The following TDRD7 variants were observed in gnomAD, a reference collection of about 807,000 sequenced individuals.
TDRD7 encodes the protein tudor domain-containing protein 7.
In TDRD7, 47 loss-of-function variants were observed where a neutral mutation model predicts 109.8. The observed-to-expected ratio is 0.43, with a 90% CI of 0.34 to 0.55. The LOEUF (loss-of-function observed/expected upper bound fraction) is 0.55, where lower values mean the gene tolerates loss of function less well. TDRD7 is among the 20% of genes least tolerant of loss of function. TDRD7 has a pLI of 0.03. For missense variants in TDRD7, 1,164 were observed against 1,319.2 expected, an observed-to-expected ratio of 0.88 and a Z score of 1.82; for synonymous variants, 424 against 457.3, an observed-to-expected ratio of 0.93 and a Z score of 0.93.
chr9:97,433,501 A>G (rs1352515635), intron 4 of TDRD7, among the ~76,000 whole-genome samples: 3 of 152,080 alleles, frequency 2.0e-5, no homozygotes, highest in Non-Finnish European at 4.4e-5. Context: ...GGGCAACAAA[A>G]GCAAAAATAG....
chr9:97,441,758 C>G lies in TDRD7; in HGVS notation c.738C>G (p.Asn246Lys), dbSNP rs1828310050. Residue 246 changes from asparagine (N) to lysine (K), a missense_variant, in exon 6 of 17, where the codon AAC (asparagine) becomes AAG (lysine). Asn to Lys is a moderately conservative substitution (Grantham distance 94). Transcript: ENST00000355295. ...EVQNRIKEIL[N>K]KHNNGIWISK... ...AAAATCGCATAAAGGAAATACTAAA[C>G]AAGCATAACAATGGCATTTGGATAT... is the stretch of plus-strand genomic sequence containing the variant. 3 of 1,613,716 alleles carry G rather than the reference C, an allele frequency of 1.9e-6. No individual in the cohort carries two copies. The highest frequency in any genetic ancestry group is 1.7e-5 in the Admixed American group (1 of 59,992).
intron 1 of TDRD7, among the ~76,000 whole-genome samples, chr9:97,414,285 TGAA>T (rs1827776035): frequency 6.6e-6 from 1 of 152,270 alleles, no homozygotes; most frequent in Non-Finnish European, 1.5e-5. Flanking sequence ...AATTTTTAGT[TGAA>T]GACATGTATA....
At chr9:97,440,343 A>G (rs1244214132) in intron 5 of TDRD7, among the ~76,000 whole-genome samples, 1 of 152,222 alleles carries the variant, frequency 6.6e-6, no homozygotes, top group Non-Finnish European at 1.5e-5. Flanking sequence ...CAAAAGGTGC[A>G]GGGACTTAGA....
chr9:97,475,871 G>T (rs1367292424), intron 12 of TDRD7, among the ~76,000 whole-genome samples: 1 of 152,128 alleles, frequency 6.6e-6, no homozygotes, highest in East Asian at 1.9e-4. Context: ...AGTTGTAAGA[G>T]GTATTGGTCA....
chr9:97,464,749 G>A lies in TDRD7; in HGVS notation c.1443-93G>A, dbSNP rs1011726684. The A allele has an allele frequency of 3.7e-6, 5 of 1,357,280 alleles. No homozygotes were observed. The Admixed American group carries it at 5.1e-5, about 14-fold the overall frequency. 84.1% of individuals were successfully genotyped at this position (1,357,280 alleles called of 1,614,324 possible). The stretch of plus-strand genomic sequence containing the variant: ...AAGTCTGAGACTGGAACCAAAGATG[G>A]CAGCAGGGAAAAAAGAAGGACAAAA... On this transcript the variant is annotated intron_variant, in intron 7 of 16. Coordinates refer to ENST00000355295, the MANE Select transcript of TDRD7 (RefSeq NM_014290.3).
intron 13 of TDRD7, among the ~76,000 whole-genome samples, chr9:97,479,641 A>T (rs2131173404): frequency 6.6e-6 from 1 of 152,340 alleles, no homozygotes; most frequent in Non-Finnish European, 1.5e-5. Context: ...AGCCAGCCCA[A>T]GCCTCTGGCT....
At position 97,483,035 on chromosome 9, in the gene TDRD7, A is replaced by C; in HGVS notation, c.2599A>C (p.Met867Leu). ...CTCTCCCAACAGCAAAAATGGCAACATGCCCATGTCGGGCAACACTGGAGA... is the reference window on the plus strand; with the variant it reads ...CTCTCCCAACAGCAAAAATGGCAACCTGCCCATGTCGGGCAACACTGGAGA... ...ADSPNSKNGNMPMSGNTGENF... is the reference protein window; with the variant it reads ...ADSPNSKNGNLPMSGNTGENF... Residue 867 changes from methionine (M) to leucine (L), a missense_variant, in exon 15 of 17, where the codon ATG becomes CTG. This residue lies in a region of TDRD7 where 233 missense variants were observed against 218.0 expected (regional missense o/e 1.07). Coordinates refer to ENST00000355295, the MANE Select transcript of TDRD7 (RefSeq NM_014290.3). The C allele has an allele frequency of 6.2e-7, 1 of 1,614,192 alleles. No homozygotes were observed.
At chr9:97,478,763 C>T (rs181506111) in intron 13 of TDRD7, 190 bp downstream of exon 13, 32 of 709,548 alleles carry the variant, frequency 4.5e-5, no homozygotes, top group African/African-American at 3.9e-4. Flanking sequence ...GTCATATTTA[C>T]ATACTGTTGT....
At chr9:97,462,326 A>G (rs1828739883) in intron 7 of TDRD7, among the ~76,000 whole-genome samples, 1 of 152,188 alleles carries the variant, frequency 6.6e-6, no homozygotes, top group African/African-American at 2.4e-5. Context: ...AGATTATTTA[A>G]ATACCTTATC....
intron 1 of TDRD7, among the ~76,000 whole-genome samples, chr9:97,423,408 T>C (rs1291765246): frequency 6.6e-6 from 1 of 152,032 alleles, no homozygotes; most frequent in African/African-American, 2.4e-5. Flanking sequence ...CTTTTTTTTT[T>C]TTCTATGTTT....
At chr9:97,435,127 G>A (rs1446119795) in intron 4 of TDRD7, among the ~76,000 whole-genome samples, 1 of 151,806 alleles carries the variant, frequency 6.6e-6, no homozygotes, top group Non-Finnish European at 1.5e-5. Context: ...CTGTACGTGT[G>A]GTAAATTGCA....
intron 4 of TDRD7, among the ~76,000 whole-genome samples, chr9:97,434,632 G>A (rs1587864366): frequency 1.3e-5 from 2 of 152,034 alleles, no homozygotes; most frequent in South Asian, 4.1e-4. Context: ...TCAACTAAAA[G>A]CATGCAACTA....
rs1394769163 is a variant in TDRD7, at chr9:97,483,261, TG to T, written c.2827del (p.Glu943LysfsTer3). On this transcript the variant is annotated frameshift_variant, in exon 15 of 17. Coordinates refer to ENST00000355295, the MANE Select transcript of TDRD7 (RefSeq NM_014290.3). LOFTEE classifies it high-confidence loss of function. ...WQEIHKLEVLMEEMILYYSVS... is the reference protein window; with the variant it reads ...WQEIHKLEVLXEEMILYYSVS... ...GAGATACATAAGTTGGAAGTTCTGA[TG>T]GAAGAGATGATTCTATATTACAGCG... is the stretch of plus-strand genomic sequence containing the variant. 1 of 1,613,776 alleles carries T rather than the reference TG, an allele frequency of 6.2e-7. No homozygotes were observed. Among genetic ancestry groups the T allele is most frequent in the Admixed American group, 1.7e-5 (1 of 59,948 alleles).
In TDRD7 at chr9:97,455,519, C is replaced by T. The variant is rs142550241; in HGVS notation, c.856-4659C>T. On this transcript the variant is annotated intron_variant, in intron 6 of 16. Coordinates refer to ENST00000355295, the MANE Select transcript of TDRD7 (RefSeq NM_014290.3). ...TCCCTGGGATGCAAGCCTGGTTCAA[C>T]ATATGTAAATCAGTAAATGTAATCC... Among the ~76,000 whole-genome samples the T allele has an allele frequency of 8.1e-3, 1,226 of 152,298 alleles. 14 individuals carry two copies. Among genetic ancestry groups the T allele is most frequent in the African/African-American group, 0.027 (1,129 of 41,560 alleles).
At chr9:97,477,803 C>T (rs1017371984) in intron 12 of TDRD7, among the ~76,000 whole-genome samples, 2 of 151,980 alleles carry the variant, frequency 1.3e-5, no homozygotes, top group African/African-American at 4.8e-5. Flanking sequence ...CAGACTGTAT[C>T]TTATAATCAG....
intron 16 of TDRD7, among the ~76,000 whole-genome samples, chr9:97,494,713 T>TA (rs1491205980): frequency 0.027 from 2,039 of 76,862 alleles, 18 homozygotes; most frequent in Non-Finnish European, 0.034. Flanking sequence ...TATATATATA[T>TA]TTTTTTTTTT....
chr9:97,460,853 A>G, intron 7 of TDRD7, 89 bp downstream of exon 7: 1 of 1,279,346 alleles, frequency 7.8e-7, no homozygotes, highest in East Asian at 2.4e-5. Context: ...TAAAGGAAGA[A>G]TAATATGGCC....
At chr9:97,419,811 T>C (rs891231591) in intron 1 of TDRD7, among the ~76,000 whole-genome samples, 1 of 152,330 alleles carries the variant, frequency 6.6e-6, no homozygotes, top group Non-Finnish European at 1.5e-5. Flanking sequence ...GCTGGGTGTT[T>C]TTCCCAGTAC....
chr9:97,457,388 T>C (rs142057162), intron 6 of TDRD7, among the ~76,000 whole-genome samples: 4 of 150,992 alleles, frequency 2.6e-5, no homozygotes, highest in African/African-American at 9.7e-5. Flanking sequence ...ATATATATAT[T>C]TTTTTTTTGA....
Sources: gnomAD v4.1 joint callset for allele counts (sites outside exome capture counted in the v4.1 genomes callset) on GRCh38, gnomAD v4.1.1 for gene constraint, gnomAD v4.1.1 regional missense constraint, MANE v1.5 for transcripts, NCBI Gene and HGNC (gene_info 2026-07-23, HGNC 2026-07-21) for gene names.